SUPT3H: variants seen among roughly 807,000 people sequenced by gnomAD.
The protein encoded by SUPT3H is transcription initiation protein SPT3 homolog.
A neutral mutation model predicts 44.3 loss-of-function variants in SUPT3H; 44 were observed. The ratio of observed to expected loss-of-function variants is 0.99; its 90% CI spans 0.78 to 1.28. SUPT3H has a LOEUF of 1.28. Among genes scored for constraint, SUPT3H ranks in the 50% most tolerant of loss-of-function variants. The pLI is 0.00. For missense variants in SUPT3H, 380 were observed against 387.1 expected (o/e 0.98, Z 0.15); for synonymous variants, 124 against 125.6 (o/e 0.99, Z 0.09).
chr6:44,849,158 C>T (rs1483556765), intron 10 of SUPT3H, among the ~76,000 whole-genome samples: 1 of 150,682 alleles, frequency 6.6e-6, no homozygotes, highest in African/African-American at 2.4e-5. Flanking sequence ...CCACTTGTTT[C>T]TTGCCATGTA....
chr6:44,897,255 C>T (rs769820566), intron 10 of SUPT3H, among the ~76,000 whole-genome samples: 22 of 152,136 alleles, frequency 1.4e-4, no homozygotes, highest in Non-Finnish European at 2.8e-4. Context: ...TCAACTCTTT[C>T]GACAGAATAT....
chr6:45,219,988 G>A (rs1429691220), intron 2 of SUPT3H, among the ~76,000 whole-genome samples: 3 of 128,098 alleles, frequency 2.3e-5, no homozygotes, highest in African/African-American at 5.8e-5. Flanking sequence ...TCAGTGAGCC[G>A]AGACCATGCC....
chr6:44,952,007 A>T (rs1287681482), intron 9 of SUPT3H, among the ~76,000 whole-genome samples: 1 of 152,178 alleles, frequency 6.6e-6, no homozygotes, highest in Admixed American at 6.5e-5. Flanking sequence ...AGCTTTAGGG[A>T]CTTTTGTATG....
chr6:45,073,877 A>G (rs959237526), intron 3 of SUPT3H, among the ~76,000 whole-genome samples: 6 of 151,990 alleles, frequency 3.9e-5, no homozygotes, highest in African/African-American at 1.4e-4. Context: ...CTTCTTATTG[A>G]CAGAATTAAT....
intron 2 of SUPT3H, among the ~76,000 whole-genome samples, chr6:45,239,076 G>A (rs1240222341): frequency 3.3e-5 from 5 of 152,124 alleles, no homozygotes; most frequent in African/African-American, 7.2e-5. Context: ...CTCAAAATGC[G>A]GAGCTTGTAG....
At chr6:45,147,136 G>A (rs184930953) in intron 2 of SUPT3H, among the ~76,000 whole-genome samples, 26 of 152,154 alleles carry the variant, frequency 1.7e-4, no homozygotes, top group African/African-American at 5.8e-4. Flanking sequence ...GTAAATTGCC[G>A]AATTTCATCA....
At chr6:44,987,586 A>T (rs1779993441) in intron 6 of SUPT3H, among the ~76,000 whole-genome samples, 1 of 152,292 alleles carries the variant, frequency 6.6e-6, no homozygotes, top group Non-Finnish European at 1.5e-5. Context: ...GGATGAAAGC[A>T]TGATTCAAGT....
intron 10 of SUPT3H, 48 bp from the exon 11 acceptor site, chr6:44,829,905 CAAGGA>C (rs764800598): frequency 1.0e-5 from 16 of 1,595,578 alleles, no homozygotes; most frequent in Non-Finnish European, 1.4e-5. Flanking sequence ...TGAAGTCAAA[CAAGGA>C]AAGGAGGCAA....
chr6:45,087,296 G>A (rs950152731), intron 3 of SUPT3H, among the ~76,000 whole-genome samples: 20 of 151,792 alleles, frequency 1.3e-4, no homozygotes, highest in Non-Finnish European at 2.9e-4. Flanking sequence ...CCAAACAGAA[G>A]TTTCCCACAT....
At position 45,358,984 on chromosome 6, in the gene SUPT3H, T is replaced by C. The variant is rs555309246; in HGVS notation, c.101+6217A>G. Reference sequence around the variant, plus strand: ...GTGAATTTTTACCTATTTTTCCCCATATAACTAAGGATTTTCATCACAGAA... The same window carrying C: ...GTGAATTTTTACCTATTTTTCCCCACATAACTAAGGATTTTCATCACAGAA... On this transcript the variant is annotated intron_variant, in intron 2 of 10. Coordinates refer to ENST00000371459, the MANE Select transcript of SUPT3H (RefSeq NM_003599.4). Among the ~76,000 whole-genome samples the C allele has an allele frequency of 2.0e-5, 3 of 152,224 alleles. No homozygotes were observed. In the East Asian group the frequency reaches 5.8e-4, roughly 29 times the overall value.
At chr6:45,014,283 A>G (rs1469354010) in intron 5 of SUPT3H, among the ~76,000 whole-genome samples, 1 of 152,110 alleles carries the variant, frequency 6.6e-6, no homozygotes, top group East Asian at 1.9e-4. Context: ...AAAACTGAAT[A>G]TTACTCTTAC....
At chr6:45,056,834 C>T (rs1046495107) in intron 3 of SUPT3H, among the ~76,000 whole-genome samples, 6 of 151,982 alleles carry the variant, frequency 3.9e-5, no homozygotes, top group Non-Finnish European at 8.8e-5. Flanking sequence ...TTACAAGTTT[C>T]CCCCAAACCA....
chr6:45,273,637 A>C (rs940897067), intron 2 of SUPT3H, among the ~76,000 whole-genome samples: 3 of 152,230 alleles, frequency 2.0e-5, no homozygotes, highest in Non-Finnish European at 4.4e-5. Flanking sequence ...CTTGTATATC[A>C]GTAATTAATT....
chr6:45,126,164 TA>T (rs913810401), intron 2 of SUPT3H, among the ~76,000 whole-genome samples: 56 of 152,302 alleles, frequency 3.7e-4, no homozygotes, highest in African/African-American at 1.3e-3. Context: ...TGCAAAGAAG[TA>T]AATACCCATT....
At chr6:45,156,199 T>C (rs1807794758) in intron 2 of SUPT3H, among the ~76,000 whole-genome samples, 1 of 152,192 alleles carries the variant, frequency 6.6e-6, no homozygotes, top group Non-Finnish European at 1.5e-5. Flanking sequence ...ATTTTGCATA[T>C]GTAACTTGTT....
At chr6:45,259,779 T>TC (rs1217157116) in intron 2 of SUPT3H, among the ~76,000 whole-genome samples, 1 of 152,104 alleles carries the variant, frequency 6.6e-6, no homozygotes, top group East Asian at 1.9e-4. Context: ...TTTACACCGA[T>TC]CCCCTCCATT....
intron 2 of SUPT3H, among the ~76,000 whole-genome samples, chr6:45,290,776 C>T (rs947274668): frequency 1.3e-5 from 2 of 152,130 alleles, no homozygotes; most frequent in African/African-American, 4.8e-5. Flanking sequence ...TGAGGACTTA[C>T]TCTATGTACT....
intron 2 of SUPT3H, among the ~76,000 whole-genome samples, chr6:45,210,980 T>C (rs995674981): frequency 6.6e-6 from 1 of 152,176 alleles, no homozygotes; most frequent in African/African-American, 2.4e-5. Flanking sequence ...CAAGCCTCTT[T>C]CAAGCACCAG....
chr6:45,104,048 T>C lies in SUPT3H; in HGVS notation c.186+1874A>G, dbSNP rs150158801. ...GAAAGAAATGTAAGAGACTTCATCA[T>C]TAGCACAGCTGTACTACAAAAAAAG... On this transcript the variant is annotated intron_variant, in intron 3 of 10. Coordinates refer to ENST00000371459, the MANE Select transcript of SUPT3H (RefSeq NM_003599.4). Among the ~76,000 whole-genome samples, 992 of 152,162 alleles carry C rather than the reference T, an allele frequency of 6.5e-3. 12 individuals are homozygous for C. Among genetic ancestry groups the C allele is most frequent in the Non-Finnish European group, 9.1e-3 (621 of 67,958 alleles).
Sources: allele counts gnomAD v4.1 joint callset (sites outside exome capture counted in the v4.1 genomes callset), GRCh38; gene constraint gnomAD v4.1.1; transcripts MANE v1.5; gene names NCBI Gene and HGNC (gene_info 2026-07-23, HGNC 2026-07-21).